CDC42BPA: variants seen among roughly 807,000 people sequenced by gnomAD.
CDC42BPA encodes serine/threonine-protein kinase MRCK alpha.
A neutral mutation model predicts 223.5 loss-of-function variants in CDC42BPA; 80 were observed. The observed-to-expected ratio is 0.36, with a 90% confidence interval of 0.30 to 0.43. The LOEUF (loss-of-function observed/expected upper bound fraction) is 0.43, where lower values mean the gene tolerates loss of function less well. CDC42BPA is among the 20% of genes least tolerant of loss of function. The probability of loss-of-function intolerance (pLI) is 1.00; values close to 1 mark genes in which losing one functional copy is unlikely to be tolerated. For missense variants in CDC42BPA, 1,743 were observed against 2,099.9 expected, an observed-to-expected ratio of 0.83 and a Z score of 3.32; for synonymous variants, 694 against 718.6, an observed-to-expected ratio of 0.97 and a Z score of 0.55.
chr1:227,157,487 T>C (rs1046116342), intron 6 of CDC42BPA, among the ~76,000 whole-genome samples: 1 of 152,200 alleles, frequency 6.6e-6, no homozygotes, highest in African/African-American at 2.4e-5. Flanking sequence ...GTACGTAATA[T>C]GTCTTTCCTT....
At chr1:227,292,389 A>G (rs12119153) in intron 1 of CDC42BPA, among the ~76,000 whole-genome samples, 16,902 of 152,270 alleles carry the variant, frequency 0.11, 1,194 homozygotes, top group South Asian at 0.19. Context: ...CTCTAGAGAC[A>G]TAAGCGTTTC....
At chr1:227,296,655 G>A (rs935132630) in intron 1 of CDC42BPA, among the ~76,000 whole-genome samples, 3 of 143,410 alleles carry the variant, frequency 2.1e-5, no homozygotes, top group Non-Finnish European at 4.5e-5. Flanking sequence ...GCAGAGAGCC[G>A]ACATTGTGCC....
Position 227,160,936 on chromosome 1 carries a change from C to T in CDC42BPA, c.600-300G>A, listed in dbSNP as rs1295898747. Among the ~76,000 whole-genome samples, 4 of 152,246 alleles carry T rather than the reference C, an allele frequency of 2.6e-5. No homozygotes were observed. In the East Asian group the frequency reaches 7.7e-4, roughly 29 times the overall value. The stretch of plus-strand genomic sequence containing the variant: ...CAGATTCCAATGTGACTATGGTAGA[C>T]CTACTTTCTGCATACAGAAGAGTCA... On this transcript the variant is annotated intron_variant, in intron 5 of 36. Transcript: ENST00000366766.
At chr1:227,118,737 C>T (rs891092335) in intron 12 of CDC42BPA, among the ~76,000 whole-genome samples, 1 of 151,808 alleles carries the variant, frequency 6.6e-6, no homozygotes, top group African/African-American at 2.4e-5. Flanking sequence ...CTGAGTAATC[C>T]TACCAATAAA....
chr1:227,119,914 G>T lies in CDC42BPA; in HGVS notation c.1537C>A (p.Leu513Ile). 2 of 1,592,992 alleles carry T rather than the reference G, an allele frequency of 1.3e-6. No individual in the cohort carries two copies. Among genetic ancestry groups the T allele is most frequent in the Non-Finnish European group, 1.7e-6 (2 of 1,171,368 alleles). Residue 513 changes from leucine (L) to isoleucine (I), a missense_variant, in exon 12 of 37, where the codon CTT (leucine) becomes ATT (isoleucine). Transcript: ENST00000366766. The part of the protein sequence containing the change: ...VTESSHLEQQ[L>I]EEANAVRQEL... Reference sequence around the variant, plus strand: ...TGCCTCACAGCATTAGCTTCTTCAAGTTGCTGTTCCAAATGACTTGATTCT... The same window carrying T: ...TGCCTCACAGCATTAGCTTCTTCAATTTGCTGTTCCAAATGACTTGATTCT...
At chr1:227,175,187 G>A (rs1360705164) in intron 5 of CDC42BPA, among the ~76,000 whole-genome samples, 1 of 151,918 alleles carries the variant, frequency 6.6e-6, no homozygotes, top group African/African-American at 2.4e-5. Context: ...AACCCCTTTT[G>A]GAACTTATAT....
At chr1:227,229,738 A>G (rs890844020) in intron 2 of CDC42BPA, among the ~76,000 whole-genome samples, 3 of 152,146 alleles carry the variant, frequency 2.0e-5, no homozygotes, top group African/African-American at 7.2e-5. Context: ...TCTTAGATTG[A>G]TGGCTTTTCT....
chr1:227,116,034 T>C (rs1687733086), intron 12 of CDC42BPA, among the ~76,000 whole-genome samples: 1 of 152,168 alleles, frequency 6.6e-6, no homozygotes, highest in Non-Finnish European at 1.5e-5. Flanking sequence ...TTCTATGACC[T>C]TGAGCAAGTG....
intron 3 of CDC42BPA, among the ~76,000 whole-genome samples, chr1:227,202,243 A>C (rs1247734098): frequency 6.6e-6 from 1 of 152,114 alleles, no homozygotes; most frequent in Non-Finnish European, 1.5e-5. Context: ...TGGCCTCCCA[A>C]AGAGCTGGGA....
intron 8 of CDC42BPA, among the ~76,000 whole-genome samples, chr1:227,144,333 T>C (rs896514936): frequency 6.6e-6 from 1 of 151,860 alleles, no homozygotes; most frequent in Non-Finnish European, 1.5e-5. Context: ...TCCCAGCACT[T>C]TGGGAGGCTG....
At chr1:227,245,065 G>A (rs1680675756) in intron 2 of CDC42BPA, among the ~76,000 whole-genome samples, 1 of 152,102 alleles carries the variant, frequency 6.6e-6, no homozygotes, top group African/African-American at 2.4e-5. Context: ...TGGGGTCCTA[G>A]GTAAACCTGA....
At chr1:227,137,142 G>A (rs2149585932) in intron 10 of CDC42BPA, among the ~76,000 whole-genome samples, 1 of 152,176 alleles carries the variant, frequency 6.6e-6, no homozygotes, top group East Asian at 1.9e-4. Context: ...TGTTTGTGAA[G>A]TAGTAACATA....
chr1:227,171,359 C>T (rs912459344), intron 5 of CDC42BPA, among the ~76,000 whole-genome samples: 2 of 152,214 alleles, frequency 1.3e-5, no homozygotes, highest in Admixed American at 6.5e-5. Flanking sequence ...CAATGGCTCA[C>T]GCCTATAATC....
At chr1:227,253,837 G>T (rs1284532228) in intron 2 of CDC42BPA, among the ~76,000 whole-genome samples, 1 of 151,966 alleles carries the variant, frequency 6.6e-6, no homozygotes, top group Non-Finnish European at 1.5e-5. Flanking sequence ...TGAAGTACAT[G>T]TGAAAACATG....
intron 1 of CDC42BPA, among the ~76,000 whole-genome samples, chr1:227,275,054 T>C (rs1359873406): frequency 1.3e-5 from 2 of 148,472 alleles, no homozygotes; most frequent in Non-Finnish European, 3.0e-5. Flanking sequence ...AACCTGAATC[T>C]AGTAGACACA....
chr1:227,087,001 A>C (rs533196880), intron 16 of CDC42BPA, among the ~76,000 whole-genome samples: 2 of 152,242 alleles, frequency 1.3e-5, no homozygotes, highest in South Asian at 4.1e-4. Flanking sequence ...TATGAATACA[A>C]GTCTTTTTTC....
chr1:227,264,973 T>C, intron 1 of CDC42BPA: 1 of 908,416 alleles, frequency 1.1e-6, no homozygotes, highest in South Asian at 1.3e-5. Flanking sequence ...TAACCTCATT[T>C]GGGCAGTGCT....
intron 21 of CDC42BPA, among the ~76,000 whole-genome samples, chr1:227,056,642 T>C (rs1273210264): frequency 6.6e-6 from 1 of 152,170 alleles, no homozygotes; most frequent in Non-Finnish European, 1.5e-5. Context: ...TCTCCCGCCT[T>C]GGCCTCCCAA....
intron 16 of CDC42BPA, among the ~76,000 whole-genome samples, chr1:227,090,254 A>G (rs1682827377): frequency 6.6e-6 from 1 of 152,228 alleles, no homozygotes; most frequent in African/African-American, 2.4e-5. Flanking sequence ...GCAGTCATTT[A>G]AAAAATGTTT....
Sources: allele counts gnomAD v4.1 joint callset (sites outside exome capture counted in the v4.1 genomes callset), GRCh38; gene constraint gnomAD v4.1.1; transcripts MANE v1.5; gene names NCBI Gene and HGNC (gene_info 2026-07-23, HGNC 2026-07-21).